FAR2: variants seen among roughly 807,000 people sequenced by gnomAD.
The protein encoded by FAR2 is epididymis secretory protein Li 81.
A neutral mutation model predicts 56.0 loss-of-function variants in FAR2; 19 were observed. The observed-to-expected ratio is 0.34, with a 90% confidence interval of 0.24 to 0.50. FAR2 has a LOEUF of 0.50. Ranked by LOEUF, FAR2 falls within the 20% of genes least tolerant of loss-of-function variation. The pLI, the probability that FAR2 is intolerant of heterozygous loss-of-function variation, is 0.98. For missense variants in FAR2, 508 were observed against 642.2 expected (o/e 0.79, Z 2.26); for synonymous variants, 219 against 218.8 (o/e 1.00, Z -0.01).
intron 1 of FAR2, among the ~76,000 whole-genome samples, chr12:29,183,213 A>G (rs1159063033): frequency 6.6e-6 from 1 of 152,110 alleles, no homozygotes; most frequent in East Asian, 1.9e-4. Context: ...GCAGTTGCTC[A>G]TTCTCAAGGT....
intron 1 of FAR2, among the ~76,000 whole-genome samples, chr12:29,246,664 TTAA>T (rs900179121): frequency 4.4e-5 from 6 of 135,466 alleles, no homozygotes; most frequent in South Asian, 2.3e-4. Flanking sequence ...AACAGCAGAC[TTAA>T]TAATATGAAA....
chr12:29,225,460 ATTG>A (rs1223457615), intron 1 of FAR2, among the ~76,000 whole-genome samples: 9 of 152,214 alleles, frequency 5.9e-5, no homozygotes, highest in East Asian at 3.9e-4. Context: ...CTATATTATT[ATTG>A]TTGTTGTTGT....
chr12:29,218,170 C>T (rs1032120765), intron 1 of FAR2, among the ~76,000 whole-genome samples: 18 of 152,024 alleles, frequency 1.2e-4, no homozygotes, highest in Non-Finnish European at 1.9e-4. Flanking sequence ...TCCTGGCTAA[C>T]ACGGTAAAAC....
At chr12:29,179,205 T>A (rs1949968879) in intron 1 of FAR2, among the ~76,000 whole-genome samples, 1 of 152,200 alleles carries the variant, frequency 6.6e-6, no homozygotes, top group South Asian at 2.1e-4. Flanking sequence ...AACTTCAACA[T>A]ATTAATTTGA....
intron 1 of FAR2, among the ~76,000 whole-genome samples, chr12:29,253,651 T>C (rs1948270387): frequency 6.6e-6 from 1 of 152,170 alleles, no homozygotes; most frequent in South Asian, 2.1e-4. Flanking sequence ...ATTTGTAAGC[T>C]GATCCAATTT....
At chr12:29,178,531 G>A (rs1949961419) in intron 1 of FAR2, among the ~76,000 whole-genome samples, 1 of 152,168 alleles carries the variant, frequency 6.6e-6, no homozygotes. Flanking sequence ...GGGACGTCGA[G>A]TCACAGTGGC....
At chr12:29,189,409 T>A (rs562714351) in intron 1 of FAR2, among the ~76,000 whole-genome samples, 1 of 152,328 alleles carries the variant, frequency 6.6e-6, no homozygotes, top group African/African-American at 2.4e-5. Context: ...TTGAGCACTA[T>A]CTTACTCTCT....
rs71042981 is a variant in FAR2, at chr12:29,299,213, CAAA to C, written c.545+2033_545+2035del. On this transcript the variant is annotated intron_variant, in intron 4 of 11. Coordinates refer to ENST00000536681, the MANE Select transcript of FAR2 (RefSeq NM_001271783.2). The stretch of plus-strand genomic sequence containing the variant: ...GGTCAACAAGAGCAAAACTTTGTCT[CAAA>C]AAAAAAAAAAAAAAAAAAAGAAAGA... Among the ~76,000 whole-genome samples the C allele has an allele frequency of 1.3e-3, 131 of 103,582 alleles. 2 individuals carry two copies. The highest frequency in any genetic ancestry group is 9.4e-3 in the South Asian group (30 of 3,180). The allele number at this position is 103,582 out of a possible 152,430, so 68.0% of individuals were successfully genotyped here. A position where few individuals can be genotyped will look rare whatever the true frequency, so the allele number is the denominator to read the frequency against.
intron 1 of FAR2, among the ~76,000 whole-genome samples, chr12:29,195,429 A>G (rs185512900): frequency 3.6e-4 from 55 of 152,312 alleles, no homozygotes; most frequent in African/African-American, 1.2e-3. Context: ...TCACCATTTA[A>G]AAGGATAAAA....
Position 29,334,968 on chromosome 12 carries a change from T to C in FAR2, c.*1174T>C, listed in dbSNP as rs963629260. 1.3e-5 allele frequency: 2 copies of C among 152,192 alleles called. No homozygotes were observed. Among genetic ancestry groups the C allele is most frequent in the Non-Finnish European group, 2.9e-5 (2 of 68,030 alleles). 9.4% of individuals were successfully genotyped at this position (152,192 alleles called of 1,614,324 possible). A position where few individuals can be genotyped will look rare whatever the true frequency, so the allele number is the denominator to read the frequency against. ...ATTCCTATAGTAATAATAATGTAAC[T>C]GTTACACCAACTTTCCTCATATTTG... On this transcript the variant is annotated 3_prime_UTR_variant, in exon 12 of 12. Coordinates refer to ENST00000536681, the MANE Select transcript of FAR2 (RefSeq NM_001271783.2).
At chr12:29,324,678 A>C (rs1478129897) in intron 10 of FAR2, among the ~76,000 whole-genome samples, 3 of 152,078 alleles carry the variant, frequency 2.0e-5, no homozygotes, top group East Asian at 1.9e-4. Context: ...GAAATAAAAT[A>C]CTTTACAGAC....
At chr12:29,275,664 A>G (rs1184263557) in intron 2 of FAR2, among the ~76,000 whole-genome samples, 1 of 152,074 alleles carries the variant, frequency 6.6e-6, no homozygotes, top group African/African-American at 2.4e-5. Flanking sequence ...GCACCTCTGG[A>G]CTTTGTTTTC....
At chr12:29,228,227 C>T (rs1431757327) in intron 1 of FAR2, among the ~76,000 whole-genome samples, 1 of 150,980 alleles carries the variant, frequency 6.6e-6, no homozygotes, top group East Asian at 1.9e-4. Flanking sequence ...TTCTAATAGT[C>T]CTACATTGCA....
chr12:29,278,170 G>C (rs7295025), intron 2 of FAR2, among the ~76,000 whole-genome samples: 1 of 151,914 alleles, frequency 6.6e-6, no homozygotes, highest in Admixed American at 6.6e-5. Flanking sequence ...GCCTCAAACA[G>C]TCCTCCTGCC....
intron 1 of FAR2, among the ~76,000 whole-genome samples, chr12:29,232,359 G>C (rs1229561776): frequency 1.3e-5 from 2 of 152,036 alleles, no homozygotes; most frequent in African/African-American, 2.4e-5. Flanking sequence ...TTAGTCATCT[G>C]TCCTTCCCCC....
At chr12:29,213,622 G>A (rs1947583232) in intron 1 of FAR2, among the ~76,000 whole-genome samples, 1 of 150,992 alleles carries the variant, frequency 6.6e-6, no homozygotes, top group Non-Finnish European at 1.5e-5. Context: ...TCCGGGAGAC[G>A]GAGGTTGCAG....
At chr12:29,207,187 C>G (rs115574249) in intron 1 of FAR2, among the ~76,000 whole-genome samples, 1 of 152,252 alleles carries the variant, frequency 6.6e-6, no homozygotes, top group South Asian at 2.1e-4. Flanking sequence ...TTAGCCACAA[C>G]GCCTGACTTT....
intron 1 of FAR2, among the ~76,000 whole-genome samples, chr12:29,150,092 G>A (rs187590752): frequency 4.6e-5 from 7 of 152,330 alleles, no homozygotes; most frequent in African/African-American, 1.2e-4. Flanking sequence ...TGGGCATCCT[G>A]GGGGTGTGCA....
At chr12:29,185,261 A>G (rs1416376996) in intron 1 of FAR2, among the ~76,000 whole-genome samples, 1 of 152,234 alleles carries the variant, frequency 6.6e-6, no homozygotes, top group East Asian at 1.9e-4. Flanking sequence ...CCCACTGAAA[A>G]TATTAAATAA....
Sources: allele counts gnomAD v4.1 joint callset (sites outside exome capture counted in the v4.1 genomes callset), GRCh38; gene constraint gnomAD v4.1.1; transcripts MANE v1.5; gene names NCBI Gene and HGNC (gene_info 2026-07-23, HGNC 2026-07-21).